Variants in TMEM217 observed in about 807,000 individuals in gnomAD.
TMEM217 encodes transmembrane protein 217.
For synonymous variants in TMEM217, 76 were observed against 88.3 expected (o/e 0.86, Z 0.78); for missense variants, 204 against 248.8 (o/e 0.82, Z 1.21).
intron 1 of TMEM217, among the ~76,000 whole-genome samples, chr6:37,222,123 G>T (rs1763555643): frequency 6.6e-6 from 1 of 152,188 alleles, no homozygotes; most frequent in African/African-American, 2.4e-5. Flanking sequence ...GGTCTTTTAT[G>T]GACCTCAGAA....
At chr6:37,216,030 T>TGA (rs1468555152), downstream of TMEM217, among the ~76,000 whole-genome samples, 143 of 128,256 alleles carry the variant, frequency 1.1e-3, no homozygotes, top group African/African-American at 3.0e-3. Flanking sequence ...TGTGTGTGTG[T>TGA]GTGAGAAACA....
At chr6:37,215,591 A>G (rs1379738148), downstream of TMEM217, among the ~76,000 whole-genome samples, 1 of 149,628 alleles carries the variant, frequency 6.7e-6, no homozygotes, top group Non-Finnish European at 1.5e-5. Flanking sequence ...AAAAAAAAAA[A>G]AAAAAAAAAA....
At chr6:37,240,625 A>G (rs1764719932) in intron 1 of TMEM217, among the ~76,000 whole-genome samples, 1 of 152,242 alleles carries the variant, frequency 6.6e-6, no homozygotes, top group Non-Finnish European at 1.5e-5. Context: ...AGAGGACAAC[A>G]TAAGGGTGTA....
At chr6:37,218,105 C>T in exon 2 of TMEM217, 1 of 1,035,520 alleles carries the variant, frequency 9.7e-7, no homozygotes, top group Non-Finnish European at 1.2e-6. Context: ...ATCTGAGAGA[C>T]CTACCTCTTA....
intron 1 of TMEM217, among the ~76,000 whole-genome samples, chr6:37,223,372 G>A (rs1210400516): frequency 6.6e-6 from 1 of 152,290 alleles, no homozygotes; most frequent in East Asian, 1.9e-4. Flanking sequence ...CAGCCAATGG[G>A]CTTTTTATTT....
intron 1 of TMEM217, among the ~76,000 whole-genome samples, chr6:37,244,604 G>A (rs1432757203): frequency 6.6e-6 from 1 of 152,174 alleles, no homozygotes; most frequent in Non-Finnish European, 1.5e-5. Context: ...GCTGATTTAA[G>A]CAGAAAAACC....
Position 37,219,052 on chromosome 6 carries a change from AAAC to A in TMEM217, c.-11-14_-11-12del. 1 of 1,601,764 alleles carries A rather than the reference AAAC, an allele frequency of 6.2e-7. No individual in the cohort carries two copies. ...TCATGCTGAGACCTCCTGTGAAGAC[AAAC>A]AACATGAGGGAGAATTCTAGTTCCT... On this transcript the variant is annotated splice_polypyrimidine_tract_variant and intron_variant, in intron 1 of 1. Coordinates refer to ENST00000357219, the Ensembl canonical transcript of TMEM217.
chr6:37,242,657 G>C (rs1346063785), intron 1 of TMEM217, among the ~76,000 whole-genome samples: 6 of 152,178 alleles, frequency 3.9e-5, no homozygotes, highest in African/African-American at 1.4e-4. Context: ...CAACTTTCCA[G>C]GGGTATTGCT....
intron 1 of TMEM217, among the ~76,000 whole-genome samples, chr6:37,222,700 C>A (rs1763597451): frequency 6.6e-6 from 1 of 152,254 alleles, no homozygotes; most frequent in Non-Finnish European, 1.5e-5. Context: ...GTTTGGGCAG[C>A]TGCAGCCCGC....
intron 1 of TMEM217, among the ~76,000 whole-genome samples, chr6:37,235,360 T>A (rs1291414156): frequency 6.6e-6 from 1 of 151,996 alleles, no homozygotes; most frequent in East Asian, 1.9e-4. Flanking sequence ...TACAAATGTA[T>A]TTCTTTTATT....
intron 1 of TMEM217, among the ~76,000 whole-genome samples, chr6:37,240,060 G>A (rs1764686408): frequency 6.6e-6 from 1 of 152,170 alleles, no homozygotes; most frequent in Non-Finnish European, 1.5e-5. Flanking sequence ...GCTAAGAAGA[G>A]GCGAGACAGA....
intron 1 of TMEM217, among the ~76,000 whole-genome samples, chr6:37,223,020 C>G (rs1763629492): frequency 2.6e-5 from 4 of 152,056 alleles, no homozygotes; most frequent in Admixed American, 2.6e-4. Flanking sequence ...GCAGGTTGGA[C>G]ACAGATTAAG....
At chr6:37,247,697 A>G (rs537345083) in intron 1 of TMEM217, among the ~76,000 whole-genome samples, 4 of 152,246 alleles carry the variant, frequency 2.6e-5, no homozygotes, top group African/African-American at 7.2e-5. Flanking sequence ...TATTAAGCCA[A>G]CTACCACAAT....
intron 1 of TMEM217, among the ~76,000 whole-genome samples, chr6:37,231,671 C>CAA (rs1216609836): frequency 1.5e-3 from 91 of 60,366 alleles, no homozygotes; most frequent in African/African-American, 5.5e-3. Flanking sequence ...GACTCCATCT[C>CAA]AAAAAAAAAA....
chr6:37,220,234 T>C (rs1763429023), intron 1 of TMEM217, among the ~76,000 whole-genome samples: 1 of 152,170 alleles, frequency 6.6e-6, no homozygotes, highest in Non-Finnish European at 1.5e-5. Context: ...ATATAAAGTA[T>C]AGAAGTGCTC....
exon 2 of TMEM217, chr6:37,218,109 C>T (rs1306976343): frequency 7.7e-6 from 8 of 1,039,080 alleles, no homozygotes; most frequent in African/African-American, 3.4e-5. Flanking sequence ...GAGAGACCTA[C>T]CTCTTATGGG....
intron 1 of TMEM217, among the ~76,000 whole-genome samples, chr6:37,228,913 C>A (rs1464376535): frequency 2.0e-5 from 3 of 151,700 alleles, no homozygotes; most frequent in Admixed American, 1.3e-4. Context: ...AGGAGAATGG[C>A]GTGAACCTGG....
intron 1 of TMEM217, among the ~76,000 whole-genome samples, chr6:37,230,365 C>A (rs778475009): frequency 1.3e-5 from 2 of 152,188 alleles, no homozygotes; most frequent in Non-Finnish European, 2.9e-5. Context: ...GCCATAAGGG[C>A]TGTTATGGGC....
intron 1 of TMEM217, among the ~76,000 whole-genome samples, chr6:37,231,074 C>T (rs1464649502): frequency 2.0e-5 from 3 of 151,538 alleles, no homozygotes; most frequent in Non-Finnish European, 4.4e-5. Context: ...TATTTATTTT[C>T]TTTTTGAGAT....
Sources: gnomAD v4.1 joint callset for allele counts (sites outside exome capture counted in the v4.1 genomes callset) on GRCh38, gnomAD v4.1.1 for gene constraint, MANE v1.5 for transcripts, NCBI Gene and HGNC (gene_info 2026-07-23, HGNC 2026-07-21) for gene names.